Variants in FLNB observed in about 807,000 individuals in gnomAD.
FLNB encodes filamin-B.
In FLNB, 111 loss-of-function variants were observed where a neutral mutation model predicts 250.6. The observed-to-expected ratio is 0.44, with a 90% confidence interval of 0.38 to 0.52. The LOEUF is 0.52. FLNB is among the 20% of genes least tolerant of loss of function. FLNB has a pLI of 0.00. For synonymous variants in FLNB, 1,302 were observed against 1,372.1 expected, an observed-to-expected ratio of 0.95 and a Z score of 1.13; for missense variants, 2,869 against 3,447.8, an observed-to-expected ratio of 0.83 and a Z score of 4.20.
chr3:58,056,021 C>T (rs896491807), intron 1 of FLNB, among the ~76,000 whole-genome samples: 2 of 151,914 alleles, frequency 1.3e-5, no homozygotes, highest in African/African-American at 4.8e-5. Flanking sequence ...GCTGCTAATA[C>T]ACCTGTGTTT....
chr3:58,130,942 A>C, intron 25 of FLNB, 34 bp downstream of exon 25: 1 of 1,594,954 alleles, frequency 6.3e-7, no homozygotes, highest in Non-Finnish European at 8.6e-7. Flanking sequence ...GCAGACATTC[A>C]TCTGCCCCAG....
chr3:58,078,207 A>G (rs1576678187), intron 2 of FLNB: 1 of 1,211,904 alleles, frequency 8.3e-7, no homozygotes, highest in Non-Finnish European at 1.1e-6. Flanking sequence ...ACTTCCATTT[A>G]AGGACACATT....
chr3:58,018,596 A>G (rs1354964860), intron 1 of FLNB, among the ~76,000 whole-genome samples: 2 of 151,740 alleles, frequency 1.3e-5, no homozygotes, highest in African/African-American at 4.8e-5. Context: ...GCTCACTGCA[A>G]CCTCTGCCTC....
chr3:58,123,602 C>G lies in FLNB; in HGVS notation c.3636C>G (p.Leu1212=), dbSNP rs773695191. ...TGACCATGAAGTATGGTGGCGAACT[C>G]GTGCCACACTTCCCCGCCCGGGTCA... ...YTLTMKYGGE[L]VPHFPARVKV... Residue 1212 remains leucine (L), a synonymous_variant, in exon 21 of 46, where the codon CTC becomes CTG. Coordinates refer to ENST00000295956, the MANE Select transcript of FLNB (RefSeq NM_001457.4). 9 of 1,612,358 alleles carry G rather than the reference C, an allele frequency of 5.6e-6. No individual in the cohort carries two copies. The highest frequency in any genetic ancestry group is 7.6e-6 in the Non-Finnish European group (9 of 1,179,880).
At chr3:58,048,755 G>A (rs975186047) in intron 1 of FLNB, among the ~76,000 whole-genome samples, 12 of 152,194 alleles carry the variant, frequency 7.9e-5, no homozygotes, top group Non-Finnish European at 1.8e-4. Context: ...AAAAATAATA[G>A]CATCTTACAG....
chr3:58,112,123 C>T (rs1292353033), intron 17 of FLNB, 26 bp from the exon 18 acceptor site: 1 of 1,611,358 alleles, frequency 6.2e-7, no homozygotes, highest in East Asian at 2.2e-5. Context: ...TGGTCTGTCT[C>T]CTCACTTCAC....
In FLNB at chr3:58,109,253, G is replaced by C. The variant is rs371850879; in HGVS notation, c.2130G>C (p.Pro710=). ...MDGTYACSYT[P]VKAIKHTIAV... The stretch of plus-strand genomic sequence containing the variant: ...GCACATATGCATGCTCATACACCCC[G>C]GTGAAGGCCATCAAGCACACCATTG... The change falls in exon 14 of 46, where the codon CCG becomes CCC. Residue 710 remains proline (P), a synonymous_variant. Coordinates refer to ENST00000295956, the MANE Select transcript of FLNB (RefSeq NM_001457.4). 74 of 1,614,074 alleles carry C rather than the reference G, an allele frequency of 4.6e-5. 1 individual carries two copies. In the Middle Eastern group the frequency reaches 1.2e-3, roughly 25 times the overall value.
chr3:58,089,317 GGCAGATCACCT>G (rs1462580907), intron 4 of FLNB, among the ~76,000 whole-genome samples: 1 of 152,094 alleles, frequency 6.6e-6, no homozygotes, highest in Non-Finnish European at 1.5e-5. Flanking sequence ...GGCCGAGGCG[GGCAGATCACCT>G]GAGGTCAGGA....
chr3:58,109,390 A>G lies in FLNB; in HGVS notation c.2199+68A>G. 8 of 1,587,794 alleles carry G rather than the reference A, an allele frequency of 5.0e-6. No individual in the cohort carries two copies. In the South Asian group the frequency reaches 7.9e-5, roughly 16 times the overall value. ...TGGTCATACACCAGGTCTGGGATCC[A>G]TGCCTGACAGCCAAGGCAGACATAT... On this transcript the variant is annotated intron_variant, in intron 14 of 45. Transcript: ENST00000295956.
At chr3:58,132,400 C>T (rs1444523058) in intron 25 of FLNB, 3 of 397,526 alleles carry the variant, frequency 7.5e-6, no homozygotes, top group South Asian at 2.3e-5. Flanking sequence ...AATTTTTGCT[C>T]TTCACAATTC....
intron 29 of FLNB, among the ~76,000 whole-genome samples, chr3:58,141,412 G>T (rs1180648011): frequency 6.6e-6 from 1 of 152,084 alleles, no homozygotes; most frequent in Non-Finnish European, 1.5e-5. Context: ...TACTGCTTTC[G>T]CACCTTGCTT....
chr3:58,047,929 A>G (rs2097156549), intron 1 of FLNB, among the ~76,000 whole-genome samples: 2 of 151,990 alleles, frequency 1.3e-5, no homozygotes. Flanking sequence ...TCACCCCCAC[A>G]TACTCCAACA....
At chr3:58,018,205 T>C (rs1028965449) in intron 1 of FLNB, among the ~76,000 whole-genome samples, 3 of 151,936 alleles carry the variant, frequency 2.0e-5, no homozygotes, top group African/African-American at 7.3e-5. Context: ...TTTACATCTA[T>C]GAGAAAAGAA....
At position 58,081,719 on chromosome 3, in the gene FLNB, C is replaced by T. The variant is rs763710544; in HGVS notation, c.730C>T (p.Pro244Ser). 1 of 1,614,096 alleles carries T rather than the reference C, an allele frequency of 6.2e-7. No homozygotes were observed. The highest frequency in any genetic ancestry group is 1.1e-5 in the South Asian group (1 of 91,082). ...CCAGTTCCCCAAAGCCAAGCTCAAG[C>T]CGGGGGCTCCTCTCAAACCCAAACT... ...LSQFPKAKLKPGAPLKPKLNP... is the reference protein window; with the variant it reads ...LSQFPKAKLKSGAPLKPKLNP... The change falls in exon 4 of 46, where the codon CCG (proline) becomes TCG (serine). Residue 244 changes from proline (P) to serine (S), a missense_variant. Transcript: ENST00000295956.
intron 41 of FLNB, among the ~76,000 whole-genome samples, chr3:58,158,583 A>G (rs2107304945): frequency 6.6e-6 from 1 of 152,324 alleles, no homozygotes; most frequent in South Asian, 2.1e-4. Flanking sequence ...TTGCCTGAGG[A>G]GTGGCTGTCC....
chr3:58,084,147 G>A (rs9858965), intron 4 of FLNB, among the ~76,000 whole-genome samples: 1,709 of 149,840 alleles, frequency 0.011, 36 homozygotes, highest in African/African-American at 0.04. Flanking sequence ...AGCCGAGATC[G>A]CGCCACTGCA....
At chr3:58,095,219 G>GTTTGTTTATTTA (rs1553694976) in intron 5 of FLNB, among the ~76,000 whole-genome samples, 2 of 95,474 alleles carry the variant, frequency 2.1e-5, no homozygotes, top group African/African-American at 9.5e-5. Context: ...GTCAGTTGAG[G>GTTTGTTTATTTA]TTTATGTATG....
At chr3:58,121,524 C>T (rs1172870519) in intron 20 of FLNB, 21 bp downstream of exon 20, 2 of 1,613,306 alleles carry the variant, frequency 1.2e-6, no homozygotes, top group South Asian at 1.1e-5. Flanking sequence ...GCTTTTGTCC[C>T]AGAACTTGTC....
intron 38 of FLNB, chr3:58,150,435 C>A: frequency 1.6e-6 from 1 of 617,976 alleles, no homozygotes; most frequent in Non-Finnish European, 2.8e-6. Context: ...TACCTTGCTA[C>A]CTTTTTCCTC....
Sources: gnomAD v4.1 joint callset for allele counts (sites outside exome capture counted in the v4.1 genomes callset) on GRCh38, gnomAD v4.1.1 for gene constraint, MANE v1.5 for transcripts, NCBI Gene and HGNC (gene_info 2026-07-23, HGNC 2026-07-21) for gene names.